The following GRM1 variants were observed in gnomAD, a reference collection of about 807,000 sequenced individuals.
The protein encoded by GRM1 is metabotropic glutamate receptor 1.
A neutral mutation model predicts 90.9 loss-of-function variants in GRM1; 33 were observed. The ratio of observed to expected loss-of-function variants is 0.36; its 90% confidence interval spans 0.28 to 0.49. The LOEUF (loss-of-function observed/expected upper bound fraction) is 0.49, where lower values mean the gene tolerates loss of function less well. GRM1 is among the 20% of genes least tolerant of loss of function. The pLI is 0.99. For missense variants in GRM1, 1,190 were observed against 1,534.3 expected (o/e 0.78, Z 3.75); for synonymous variants, 700 against 613.2 (o/e 1.14, Z -2.09).
In GRM1 at chr6:146,437,040, T is replaced by G. The variant is rs903485622; in HGVS notation, c.*2244T>G. 1 of 152,242 alleles carries G rather than the reference T, an allele frequency of 6.6e-6. No individual in the cohort carries two copies. Among genetic ancestry groups the G allele is most frequent in the African/African-American group, 2.4e-5 (1 of 41,462 alleles). The allele number at this position is 152,242 out of a possible 1,614,324, so 9.4% of individuals were successfully genotyped here. On this transcript the variant is annotated 3_prime_UTR_variant, in exon 8 of 8. Transcript: ENST00000282753. ...AGATCTCATGACTGAGATGTGGACT[T>G]TGGTTCCATGTTTTCATTGTAAGAA...
intron 2 of GRM1, among the ~76,000 whole-genome samples, chr6:146,262,737 C>A (rs906017916): frequency 1.3e-5 from 2 of 151,546 alleles, no homozygotes; most frequent in Non-Finnish European, 1.5e-5. Flanking sequence ...ACATATGGAA[C>A]CTTGATGTGG....
chr6:146,320,235 C>A (rs941079218), intron 3 of GRM1, among the ~76,000 whole-genome samples: 2 of 151,948 alleles, frequency 1.3e-5, no homozygotes, highest in South Asian at 4.2e-4. Context: ...GTGGTTTTTG[C>A]CATTGGTTCT....
chr6:146,301,256 G>A (rs1783367681), intron 2 of GRM1, among the ~76,000 whole-genome samples: 1 of 152,150 alleles, frequency 6.6e-6, no homozygotes, highest in African/African-American at 2.4e-5. Flanking sequence ...GGCACCTATA[G>A]TGAGGGTGAA....
chr6:146,334,324 C>G (rs1274818194), intron 3 of GRM1, among the ~76,000 whole-genome samples: 1 of 152,162 alleles, frequency 6.6e-6, no homozygotes, highest in Non-Finnish European at 1.5e-5. Flanking sequence ...CTCTCATGTC[C>G]CAGGTTCTGC....
At chr6:146,229,279 C>G (rs1034047397) in intron 2 of GRM1, among the ~76,000 whole-genome samples, 1 of 151,314 alleles carries the variant, frequency 6.6e-6, no homozygotes, top group Non-Finnish European at 1.5e-5. Flanking sequence ...CCAACATGCC[C>G]GGCCAAACTT....
chr6:146,287,716 AG>A (rs1210223927), intron 2 of GRM1, among the ~76,000 whole-genome samples: 2 of 152,188 alleles, frequency 1.3e-5, no homozygotes, highest in Non-Finnish European at 1.5e-5. Flanking sequence ...GGAGTCAGAG[AG>A]GAAAGTGTGG....
At chr6:146,213,282 AGTG>A (rs1779742452) in intron 2 of GRM1, among the ~76,000 whole-genome samples, 1 of 152,086 alleles carries the variant, frequency 6.6e-6, no homozygotes, top group Non-Finnish European at 1.5e-5. Flanking sequence ...AGAGGGTTGG[AGTG>A]TCCAGAGATG....
chr6:146,434,658 G>C lies in GRM1; in HGVS notation c.3447G>C (p.Ser1149=). Residue 1149 remains serine, a synonymous_variant, in exon 8 of 8, where the codon TCG becomes TCC. Transcript: ENST00000282753. Reference sequence around the variant, plus strand: ...ATTCGCCTGCGCTGACGCCTCCGTCGCCTTTCCGCGACTCGGTGGCCTCGG... The same window carrying C: ...ATTCGCCTGCGCTGACGCCTCCGTCCCCTTTCCGCGACTCGGTGGCCTCGG... ...PDDSPALTPP[S]PFRDSVASGS... 1 of 1,608,780 alleles carries C rather than the reference G, an allele frequency of 6.2e-7. No homozygotes were observed. The highest frequency in any genetic ancestry group is 8.5e-7 in the Non-Finnish European group (1 of 1,180,000).
intron 2 of GRM1, among the ~76,000 whole-genome samples, chr6:146,233,247 A>C (rs185679462): frequency 7.2e-5 from 11 of 152,224 alleles, no homozygotes; most frequent in African/African-American, 2.6e-4. Context: ...TAATGCCACA[A>C]ATAGCCCTCT....
chr6:146,140,342 CA>C (rs1776826697), intron 1 of GRM1, among the ~76,000 whole-genome samples: 1 of 151,930 alleles, frequency 6.6e-6, no homozygotes, highest in Admixed American at 6.6e-5. Flanking sequence ...GATCTCAGCT[CA>C]CTGCAACCTC....
chr6:146,233,664 T>C (rs866831177), intron 2 of GRM1, among the ~76,000 whole-genome samples: 31 of 152,164 alleles, frequency 2.0e-4, no homozygotes, highest in Admixed American at 4.6e-4. Context: ...TCCAAATACA[T>C]ACTTTGTGTA....
intron 2 of GRM1, among the ~76,000 whole-genome samples, chr6:146,230,850 A>G (rs994824207): frequency 2.0e-5 from 3 of 152,178 alleles, no homozygotes; most frequent in Admixed American, 6.6e-5. Context: ...CTATCAAGCC[A>G]TCAAGACACA....
At chr6:146,409,583 G>T (rs1227332381) in intron 7 of GRM1, among the ~76,000 whole-genome samples, 1 of 152,016 alleles carries the variant, frequency 6.6e-6, no homozygotes, top group Non-Finnish European at 1.5e-5. Flanking sequence ...GTTTTGCTTT[G>T]CTTTGTCTTA....
At chr6:146,053,655 C>A (rs534678384) in intron 1 of GRM1, among the ~76,000 whole-genome samples, 22 of 152,184 alleles carry the variant, frequency 1.4e-4, no homozygotes, top group South Asian at 1.0e-3. Flanking sequence ...GAACCCAGTT[C>A]TTGGTCCAGG....
At chr6:146,360,936 C>T (rs1403093665) in intron 5 of GRM1, among the ~76,000 whole-genome samples, 3 of 152,172 alleles carry the variant, frequency 2.0e-5, no homozygotes, top group African/African-American at 7.2e-5. Context: ...TAACTAATCA[C>T]GTGGCCTCAA....
chr6:146,407,134 A>T lies in GRM1; in HGVS notation c.2660+7435A>T, dbSNP rs1017782145. On this transcript the variant is annotated intron_variant, in intron 7 of 7. Transcript: ENST00000282753. The stretch of plus-strand genomic sequence containing the variant: ...TTCTTCACATGAAGGCCCTTAGAAT[A>T]CTTTAGAACGAACGTAGCTTAGTAA... Among the ~76,000 whole-genome samples, 15 of 152,174 alleles carry T rather than the reference A, an allele frequency of 9.9e-5. 1 individual carries two copies. The highest frequency in any genetic ancestry group is 2.9e-5 in the Non-Finnish European group (2 of 68,038).
At chr6:146,348,724 A>C (rs1785268848) in intron 3 of GRM1, among the ~76,000 whole-genome samples, 1 of 152,190 alleles carries the variant, frequency 6.6e-6, no homozygotes, top group African/African-American at 2.4e-5. Context: ...CAGTACTTGT[A>C]GTCAGGGAGA....
chr6:146,103,217 C>A (rs7739371), intron 1 of GRM1, among the ~76,000 whole-genome samples: 1 of 151,996 alleles, frequency 6.6e-6, no homozygotes, highest in Non-Finnish European at 1.5e-5. Context: ...AAATCCTAAC[C>A]AGCATTATAT....
chr6:146,231,144 G>C (rs897475878), intron 2 of GRM1, among the ~76,000 whole-genome samples: 1 of 152,046 alleles, frequency 6.6e-6, no homozygotes, highest in African/African-American at 2.4e-5. Flanking sequence ...GAATTCTAAT[G>C]TAAACTATAA....
Sources: allele counts gnomAD v4.1 joint callset (sites outside exome capture counted in the v4.1 genomes callset), GRCh38; gene constraint gnomAD v4.1.1; transcripts MANE v1.5; gene names NCBI Gene and HGNC (gene_info 2026-07-23, HGNC 2026-07-21).